The following CRB1 variants were observed in gnomAD, a reference collection of about 807,000 sequenced individuals.
The protein encoded by CRB1 is protein crumbs homolog 1.
A neutral mutation model predicts 120.0 loss-of-function variants in CRB1; 83 were observed. The ratio of observed to expected loss-of-function variants is 0.69; its 90% CI spans 0.58 to 0.83. The LOEUF (loss-of-function observed/expected upper bound fraction) is 0.83, where lower values mean the gene tolerates loss of function less well. CRB1 is among the 40% of genes least tolerant of loss of function. The pLI, the probability that CRB1 is intolerant of heterozygous loss-of-function variation, is 0.00. For synonymous variants in CRB1, 625 were observed against 612.5 expected, an observed-to-expected ratio of 1.02 and a Z score of -0.30; for missense variants, 1,699 against 1,687.6, an observed-to-expected ratio of 1.01 and a Z score of -0.12.
At chr1:197,365,492 C>G (rs995104686) in intron 5 of CRB1, among the ~76,000 whole-genome samples, 1 of 152,038 alleles carries the variant, frequency 6.6e-6, no homozygotes, top group African/African-American at 2.4e-5. Flanking sequence ...CCTATGATGC[C>G]TCTGGGGAGG....
intron 1 of CRB1, among the ~76,000 whole-genome samples, chr1:197,295,666 G>T (rs1413602797): frequency 6.6e-6 from 1 of 151,956 alleles, no homozygotes; most frequent in African/African-American, 2.4e-5. Context: ...AAATATATTT[G>T]AGCAGCTTTA....
At chr1:197,420,876 C>A in intron 5 of CRB1, 124 bp from the exon 6 acceptor site, 1 of 727,028 alleles carries the variant, frequency 1.4e-6, no homozygotes. Flanking sequence ...TTACATTTTA[C>A]TCCATTACAG....
chr1:197,457,497 C>T (rs907560881), intron 11 of CRB1, among the ~76,000 whole-genome samples: 6 of 152,078 alleles, frequency 3.9e-5, no homozygotes, highest in Admixed American at 3.9e-4. Context: ...ATTTGTCTGC[C>T]TCATCCTCCA....
At chr1:197,252,538 T>TTATATATATATATATATATA in the CRB1 span, among the ~76,000 whole-genome samples, 1 of 27,820 alleles carries the variant, frequency 3.6e-5, no homozygotes, top group Non-Finnish European at 7.1e-5. Context: ...CCAATAGATT[T>TTATATATATATATATATATA]TATATATATA....
At chr1:197,320,199 C>T (rs1571833193) in intron 1 of CRB1, among the ~76,000 whole-genome samples, 1 of 152,138 alleles carries the variant, frequency 6.6e-6, no homozygotes, top group South Asian at 2.1e-4. Context: ...AAATAGTCCT[C>T]GTGAGAAAGT....
chr1:197,352,327 A>T (rs1408753953), intron 4 of CRB1, among the ~76,000 whole-genome samples: 1 of 152,194 alleles, frequency 6.6e-6, no homozygotes, highest in Non-Finnish European at 1.5e-5. Flanking sequence ...ATAAATCAGA[A>T]TCTTCCTAAT....
At chr1:197,442,739 G>T in intron 11 of CRB1, 7 of 282,104 alleles carry the variant, frequency 2.5e-5, no homozygotes, top group South Asian at 1.2e-4. Flanking sequence ...CTCCATTTCT[G>T]GGTATTTTCA....
chr1:197,409,251 A>G (rs1036890821), intron 5 of CRB1, among the ~76,000 whole-genome samples: 2 of 152,230 alleles, frequency 1.3e-5, no homozygotes, highest in Non-Finnish European at 1.5e-5. Context: ...TATACAAAAT[A>G]AGTTACCAAC....
At chr1:197,386,503 G>C (rs1227270571) in intron 5 of CRB1, among the ~76,000 whole-genome samples, 6 of 152,132 alleles carry the variant, frequency 3.9e-5, no homozygotes, top group Non-Finnish European at 8.8e-5. Flanking sequence ...ATGCAAAGTA[G>C]ACAGCACTTC....
At chr1:197,348,085 A>C (rs2125334549) in intron 4 of CRB1, among the ~76,000 whole-genome samples, 1 of 152,374 alleles carries the variant, frequency 6.6e-6, no homozygotes, top group South Asian at 2.1e-4. Context: ...TTTGCATTGC[A>C]TAACAACATT....
intron 5 of CRB1, among the ~76,000 whole-genome samples, chr1:197,374,730 T>C (rs1443462289): frequency 1.3e-5 from 2 of 151,454 alleles, no homozygotes; most frequent in African/African-American, 2.4e-5. Context: ...AAAATCATCA[T>C]TTTTTTTTCT....
intron 1 of CRB1, among the ~76,000 whole-genome samples, chr1:197,319,155 C>T (rs1426301693): frequency 2.0e-5 from 3 of 148,586 alleles, no homozygotes; most frequent in African/African-American, 7.4e-5. Flanking sequence ...CTAAAATGCT[C>T]AATGATGGCT....
intron 1 of CRB1, among the ~76,000 whole-genome samples, chr1:197,282,850 C>T (rs1478294385): frequency 2.0e-5 from 3 of 151,858 alleles, no homozygotes; most frequent in African/African-American, 7.2e-5. Flanking sequence ...AGGTTCTTTT[C>T]TTCTCTCAGA....
chr1:197,217,458 G>T, the CRB1 span, among the ~76,000 whole-genome samples: 2 of 152,096 alleles, frequency 1.3e-5, no homozygotes, highest in Non-Finnish European at 2.9e-5. Context: ...ACAAAATTTG[G>T]TATATCCATG....
chr1:197,357,876 A>T (rs959851931), intron 5 of CRB1: 1 of 152,204 alleles, frequency 6.6e-6, no homozygotes, highest in African/African-American at 2.4e-5. Flanking sequence ...GTCGATAAAA[A>T]AAATGTTTAT....
At chr1:197,454,107 T>C (rs1053905706) in intron 11 of CRB1, among the ~76,000 whole-genome samples, 4 of 150,996 alleles carry the variant, frequency 2.6e-5, no homozygotes, top group Non-Finnish European at 4.4e-5. Flanking sequence ...ATTACAGGCA[T>C]GAGCCACTCT....
upstream of CRB1, among the ~76,000 whole-genome samples, chr1:197,264,675 G>A (rs149272810): frequency 2.7e-4 from 40 of 149,624 alleles, 1 homozygote; most frequent in East Asian, 6.5e-3. Context: ...AGGCTGGAGT[G>A]CAGTGGCATG....
At chr1:197,329,460 G>A (rs1479421589) in intron 2 of CRB1, among the ~76,000 whole-genome samples, 1 of 152,034 alleles carries the variant, frequency 6.6e-6, no homozygotes, top group Non-Finnish European at 1.5e-5. Flanking sequence ...GATGGAGCAT[G>A]GTATATCAGA....
At chr1:197,320,192 T>C (rs747496045) in intron 1 of CRB1, among the ~76,000 whole-genome samples, 2 of 152,196 alleles carry the variant, frequency 1.3e-5, no homozygotes, top group Non-Finnish European at 2.9e-5. Context: ...AAACCATAAA[T>C]AGTCCTCGTG....
Sources: gnomAD v4.1 joint callset for allele counts (sites outside exome capture counted in the v4.1 genomes callset) on GRCh38, gnomAD v4.1.1 for gene constraint, MANE v1.5 for transcripts, NCBI Gene and HGNC (gene_info 2026-07-23, HGNC 2026-07-21) for gene names.